Variants in INO80 observed in about 807,000 individuals in gnomAD.
INO80 encodes the protein chromatin-remodeling ATPase INO80.
A neutral mutation model predicts 203.4 loss-of-function variants in INO80; 20 were observed. The ratio of observed to expected loss-of-function variants is 0.10; its 90% CI spans 0.07 to 0.14. INO80 has a LOEUF of 0.14. Ranked by LOEUF, INO80 falls within the 10% of genes least tolerant of loss-of-function variation. The pLI is 1.00. For synonymous variants in INO80, 726 were observed against 685.2 expected (o/e 1.06, Z -0.93); for missense variants, 1,419 against 1,914.4 (o/e 0.74, Z 4.83).
At chr15:41,023,775 AAAAAAAAAC>A (rs2140472606) in intron 25 of INO80, among the ~76,000 whole-genome samples, 2 of 148,336 alleles carry the variant, frequency 1.3e-5, no homozygotes, top group South Asian at 2.1e-4. Flanking sequence ...TCTCAAAAAA[AAAAAAAAAC>A]AAAACAAAAC....
chr15:41,066,207 A>T (rs1364384347), intron 14 of INO80, among the ~76,000 whole-genome samples: 1 of 151,760 alleles, frequency 6.6e-6, no homozygotes, highest in Non-Finnish European at 1.5e-5. Flanking sequence ...AGAACTCCCG[A>T]CCTCAGGTGA....
At chr15:40,982,691 G>A (rs60125108) in intron 35 of INO80, among the ~76,000 whole-genome samples, 171 bp downstream of exon 35, 66 of 152,328 alleles carry the variant, frequency 4.3e-4, no homozygotes, top group African/African-American at 1.6e-3. Flanking sequence ...GTACCGTCAG[G>A]AGGGCAAGGG....
intron 27 of INO80, 75 bp from the exon 28 acceptor site, chr15:41,005,762 A>G (rs2044031691): frequency 3.8e-6 from 3 of 789,894 alleles, no homozygotes; most frequent in Non-Finnish European, 6.5e-6. Context: ...GCATCTACCC[A>G]TCTTCTACCT....
chr15:41,071,086 T>C (rs911173231), intron 12 of INO80, among the ~76,000 whole-genome samples: 6 of 152,136 alleles, frequency 3.9e-5, no homozygotes, highest in African/African-American at 1.4e-4. Context: ...GGAGGGTCAC[T>C]TGAGCCCAGG....
intron 15 of INO80, among the ~76,000 whole-genome samples, 157 bp from the exon 16 acceptor site, chr15:41,058,938 A>C (rs1283211445): frequency 6.6e-6 from 1 of 151,978 alleles, no homozygotes; most frequent in African/African-American, 2.4e-5. Flanking sequence ...AGTGAACCAT[A>C]CTGTGGGGTT....
chr15:40,997,711 GT>G (rs1365705875), intron 28 of INO80, 110 bp from the exon 29 acceptor site: 1 of 711,388 alleles, frequency 1.4e-6, no homozygotes, highest in Admixed American at 2.0e-5. Flanking sequence ...ACTAAAAAGA[GT>G]TTTGGTGGTT....
chr15:41,025,142 A>T (rs1017444140), intron 25 of INO80, among the ~76,000 whole-genome samples: 2 of 152,230 alleles, frequency 1.3e-5, no homozygotes, highest in Admixed American at 6.5e-5. Flanking sequence ...CCTGCTTGCC[A>T]ACACATGTTC....
At chr15:41,018,168 G>T (rs186338094) in intron 26 of INO80, 15 of 152,150 alleles carry the variant, frequency 9.9e-5, no homozygotes, top group Admixed American at 9.8e-4. Flanking sequence ...TTGAGTGAGG[G>T]TGGGCAAGCT....
intron 25 of INO80, chr15:41,024,342 C>T (rs1016625353): frequency 6.6e-6 from 1 of 152,174 alleles, no homozygotes; most frequent in African/African-American, 2.4e-5. Context: ...GTAAATCCTG[C>T]TTTCTAAGTC....
Position 41,065,223 on chromosome 15 carries a change from AG to A in INO80, c.1782+4346del, listed in dbSNP as rs534104382. On this transcript the variant is annotated intron_variant, in intron 14 of 35. Transcript: ENST00000648947. ...GAGGCAGAGGAGGGCAGATCACCTG[AG>A]GTCAGGAGTTCAAGACCAGCCTGGC... is the stretch of plus-strand genomic sequence containing the variant. 2.0e-3 allele frequency among the ~76,000 whole-genome samples: 305 copies of A among 152,230 alleles called. 1 individual carries two copies. Among genetic ancestry groups the A allele is most frequent in the South Asian group, 4.8e-3 (23 of 4,826 alleles).
At chr15:41,068,783 C>G (rs2045264115) in intron 14 of INO80, among the ~76,000 whole-genome samples, 1 of 152,066 alleles carries the variant, frequency 6.6e-6, no homozygotes, top group Non-Finnish European at 1.5e-5. Context: ...TTGCTTGAAC[C>G]TGGGAGATGG....
At position 40,980,273 on chromosome 15, in the gene INO80, A is replaced by G; in HGVS notation, c.4621T>C (p.Ser1541Pro). Residue 1541 changes from serine (S) to proline (P), a missense_variant, in exon 36 of 36, where the codon TCT (serine) becomes CCT (proline). By Grantham distance (74) the Ser-to-Pro change is moderately conservative (BLOSUM62 -1). Coordinates refer to ENST00000648947, the MANE Select transcript of INO80 (RefSeq NM_017553.3). The part of the protein sequence containing the change: ...LHMTSSLAPD[S>P]LVRKQGKGTN... Reference sequence around the variant, plus strand: ...CCTTTGCCCTGTTTCCGGACCAGAGAGTCTGGGGCTAGGCTGCTGGTCATG... The same window carrying G: ...CCTTTGCCCTGTTTCCGGACCAGAGGGTCTGGGGCTAGGCTGCTGGTCATG... 2 of 1,613,524 alleles carry G rather than the reference A, an allele frequency of 1.2e-6. No individual in the cohort carries two copies. Among genetic ancestry groups the G allele is most frequent in the South Asian group, 1.1e-5 (1 of 91,048 alleles).
At chr15:41,066,438 T>A (rs892951713) in intron 14 of INO80, among the ~76,000 whole-genome samples, 1 of 152,080 alleles carries the variant, frequency 6.6e-6, no homozygotes, top group Non-Finnish European at 1.5e-5. Flanking sequence ...ATTACAGGCA[T>A]GACCCACCAG....
At chr15:40,990,709 T>C (rs1164485949) in intron 29 of INO80, among the ~76,000 whole-genome samples, 1 of 152,178 alleles carries the variant, frequency 6.6e-6, no homozygotes, top group Non-Finnish European at 1.5e-5. Context: ...ACACGACATT[T>C]TGGTTTCAAA....
At chr15:41,070,595 A>G (rs938564602) in intron 12 of INO80, 48 bp from the exon 13 acceptor site, 3 of 1,467,002 alleles carry the variant, frequency 2.0e-6, no homozygotes, top group African/African-American at 1.4e-5. Flanking sequence ...TTCATCAAAT[A>G]AAGTTCAACC....
In INO80 at chr15:40,980,427, G is replaced by A. The variant is rs758280706; in HGVS notation, c.4467C>T (p.Ser1489=). The change falls in exon 36 of 36, where the codon AGC becomes AGT. Residue 1489 remains serine, a synonymous_variant. Transcript: ENST00000648947. ...GAACAAGGGATGTCTGCAGAGGACT[G>A]CTGGCGGAGATTCCTGTGGGGACGG... is the stretch of plus-strand genomic sequence containing the variant. ...GYNVSKGISA[S]SPLQTSLVRP... 3.2e-5 allele frequency: 51 copies of A among 1,612,778 alleles called. No individual in the cohort carries two copies. In the East Asian group the frequency reaches 1.1e-3, roughly 35 times the overall value.
chr15:41,001,300 A>G (rs989735856), intron 28 of INO80, among the ~76,000 whole-genome samples: 3 of 152,190 alleles, frequency 2.0e-5, no homozygotes, highest in African/African-American at 7.2e-5. Flanking sequence ...AAAGAGGCCT[A>G]TAAAACCACA....
At chr15:41,053,896 GA>G in intron 19 of INO80, 32 bp downstream of exon 19, 1 of 1,530,790 alleles carries the variant, frequency 6.5e-7, no homozygotes, top group Non-Finnish European at 9.0e-7. Flanking sequence ...GGTGCCTATT[GA>G]GGCTTAAACA....
chr15:41,080,235 C>T (rs553310466), intron 8 of INO80, among the ~76,000 whole-genome samples: 1 of 152,266 alleles, frequency 6.6e-6, no homozygotes, highest in Admixed American at 6.5e-5. Context: ...ACATCTTTAG[C>T]ACCACTGAAA....
Sources: allele counts gnomAD v4.1 joint callset (sites outside exome capture counted in the v4.1 genomes callset), GRCh38; gene constraint gnomAD v4.1.1; transcripts MANE v1.5; gene names NCBI Gene and HGNC (gene_info 2026-07-23, HGNC 2026-07-21).